Variants in HSPA9 observed in about 807,000 individuals in gnomAD.
HSPA9 encodes stress-70 protein, mitochondrial.
A neutral mutation model predicts 81.5 loss-of-function variants in HSPA9; 28 were observed. The observed-to-expected ratio is 0.34, with a 90% CI of 0.25 to 0.47. The LOEUF (loss-of-function observed/expected upper bound fraction) is 0.47. HSPA9 is among the 20% of genes least tolerant of loss of function. The pLI is 1.00. For synonymous variants in HSPA9, 293 were observed against 290.4 expected, an observed-to-expected ratio of 1.01 and a Z score of -0.09; for missense variants, 678 against 838.0, an observed-to-expected ratio of 0.81 and a Z score of 2.36.
chr5:138,571,426 C>G (rs1362552691), intron 3 of HSPA9, among the ~76,000 whole-genome samples: 2 of 151,992 alleles, frequency 1.3e-5, no homozygotes, highest in Non-Finnish European at 2.9e-5. Context: ...CTCAGGTGAT[C>G]TGCCCGCCTC....
chr5:138,565,599 A>G (rs1750745164), intron 9 of HSPA9, among the ~76,000 whole-genome samples: 3 of 152,208 alleles, frequency 2.0e-5, no homozygotes, highest in Admixed American at 1.3e-4. Context: ...GGTGGTGAAG[A>G]CAAGTTTCAC....
chr5:138,573,971 G>C, intron 2 of HSPA9, 97 bp downstream of exon 2: 1 of 1,247,210 alleles, frequency 8.0e-7, no homozygotes, highest in South Asian at 1.2e-5. Context: ...AATAAATACA[G>C]ATAAATAATT....
intron 1 of HSPA9, chr5:138,574,952 A>C: frequency 1.8e-6 from 1 of 553,110 alleles, no homozygotes; most frequent in Non-Finnish European, 3.2e-6. Context: ...CCAAGGCCAA[A>C]CCTTTCCATT....
At position 138,566,723 on chromosome 5, in the gene HSPA9, A is replaced by G. The variant is rs1750772449; in HGVS notation, c.880-5T>C. The G allele has an allele frequency of 1.2e-6, 2 of 1,608,462 alleles. No individual in the cohort carries two copies. The highest frequency in any genetic ancestry group is 1.7e-6 in the Non-Finnish European group (2 of 1,174,908). ...TTTAGTCAAATCAACCCCTGTCTAT[A>G]AAGTGAAGACATTGAACACCAAACA... On this transcript the variant is annotated splice_region_variant and splice_polypyrimidine_tract_variant and intron_variant, in intron 8 of 16. Coordinates refer to ENST00000297185, the MANE Select transcript of HSPA9 (RefSeq NM_004134.7).
At chr5:138,561,939 G>A (rs1056740816) in intron 9 of HSPA9, 150 bp from the exon 10 acceptor site, 44 of 693,214 alleles carry the variant, frequency 6.3e-5, no homozygotes, top group Non-Finnish European at 9.6e-5. Flanking sequence ...TAGTCACCAA[G>A]AATACTTTTT....
At chr5:138,570,898 G>A (rs990076136) in intron 4 of HSPA9, 62 bp downstream of exon 4, 7 of 1,383,654 alleles carry the variant, frequency 5.1e-6, no homozygotes, top group Non-Finnish European at 7.2e-6. Flanking sequence ...AACATGCTGA[G>A]GCTCTTCTGT....
In HSPA9 at chr5:138,567,177, G is replaced by A. The variant is rs1210736567; in HGVS notation, c.717-14C>T. The A allele has an allele frequency of 2.0e-5, 31 of 1,531,874 alleles. No homozygotes were observed. Among genetic ancestry groups the A allele is most frequent in the East Asian group, 1.9e-4 (8 of 41,226 alleles). The allele number at this position is 1,531,874 out of a possible 1,614,324, so 94.9% of individuals were successfully genotyped here. ...TATACAGCAATGCTGTAAATGATTT[G>A]TGAAAAAAAAAAGAAAAGAAATCCT... On this transcript the variant is annotated splice_polypyrimidine_tract_variant and intron_variant, in intron 7 of 16. Coordinates refer to ENST00000297185, the MANE Select transcript of HSPA9 (RefSeq NM_004134.7).
chr5:138,568,178 CTT>C (rs373473373), intron 5 of HSPA9, among the ~76,000 whole-genome samples: 36 of 148,084 alleles, frequency 2.4e-4, no homozygotes, highest in African/African-American at 3.5e-4. Context: ...GAGCGAGACT[CTT>C]GTCTCAAAAC....
intron 10 of HSPA9, chr5:138,561,067 A>G (rs1227694681): frequency 2.0e-6 from 1 of 500,342 alleles, no homozygotes; most frequent in Non-Finnish European, 4.0e-6. Context: ...AGTTTTCCAC[A>G]CGTTCTTTCA....
At chr5:138,568,455 C>T (rs559387492) in intron 5 of HSPA9, among the ~76,000 whole-genome samples, 2 of 152,172 alleles carry the variant, frequency 1.3e-5, no homozygotes, top group East Asian at 1.9e-4. Flanking sequence ...TTTGGTGAGC[C>T]GAGATTGTGC....
At chr5:138,561,081 T>C (rs774968973) in intron 10 of HSPA9, 2 of 498,340 alleles carry the variant, frequency 4.0e-6, no homozygotes, top group Admixed American at 2.0e-5. Context: ...TCTTTCAGAA[T>C]GATGTGTTGA....
At position 138,566,543 on chromosome 5, in the gene HSPA9, G is replaced by T. The variant is rs1750766717; in HGVS notation, c.972+83C>A. The T allele has an allele frequency of 5.0e-6, 5 of 1,005,026 alleles. No individual in the cohort carries two copies. The East Asian group carries it at 9.5e-5, about 19-fold the overall frequency. 62.3% of individuals were successfully genotyped at this position (1,005,026 alleles called of 1,614,324 possible). ...AACAAAAAAAACTCAACTGACATTA[G>T]GCCAATTAGAAAATACTATTTATTT... On this transcript the variant is annotated intron_variant, in intron 9 of 16. Coordinates refer to ENST00000297185, the MANE Select transcript of HSPA9 (RefSeq NM_004134.7).
intron 5 of HSPA9, 129 bp downstream of exon 5, chr5:138,568,796 G>A: frequency 2.2e-6 from 2 of 902,680 alleles, no homozygotes; most frequent in Non-Finnish European, 3.7e-6. Context: ...ACACAGTTTT[G>A]CCATTCCTAG....
In HSPA9 at chr5:138,575,305, C is replaced by T. The variant is rs750485956; in HGVS notation, c.14G>A (p.Ser5Asn). ...CACGAGACGGGCTGCTGCAGCTCGGCTGGCACTTATCATGGCGGATAAATG... is the reference window on the plus strand; with the variant it reads ...CACGAGACGGGCTGCTGCAGCTCGGTTGGCACTTATCATGGCGGATAAATG... The part of the protein sequence containing the change: MISA[S>N]RAAAARLVGA... The change falls in exon 1 of 17, where the codon AGC becomes AAC. Residue 5 changes from serine to asparagine, a missense_variant. By Grantham distance (46) the Ser-to-Asn change is conservative. Coordinates refer to ENST00000297185, the MANE Select transcript of HSPA9 (RefSeq NM_004134.7). 2 of 1,612,040 alleles carry T rather than the reference C, an allele frequency of 1.2e-6. No individual in the cohort carries two copies. Among genetic ancestry groups the T allele is most frequent in the Non-Finnish European group, 1.7e-6 (2 of 1,179,500 alleles).
rs1367397744 is a variant in HSPA9 at position 138,555,691 on chromosome 5, T to G, written c.*346A>C. On this transcript the variant is annotated 3_prime_UTR_variant, in exon 17 of 17. Transcript: ENST00000297185. ...GTCTCATTTCAAGTCTATGGATGAC[T>G]ACCTTCATTGCTGTGTGCGAGATGG... 10 of 350,214 alleles carry G rather than the reference T, an allele frequency of 2.9e-5. No homozygotes were observed. The Admixed American group carries it at 4.2e-4, about 15-fold the overall frequency. The allele number at this position is 350,214 out of a possible 1,614,324, so 21.7% of individuals were successfully genotyped here.
intron 9 of HSPA9, among the ~76,000 whole-genome samples, chr5:138,562,774 CAA>C (rs1750687934): frequency 1.3e-5 from 2 of 152,178 alleles, no homozygotes; most frequent in African/African-American, 4.8e-5. Context: ...AGAGAAATGT[CAA>C]AGTTATGTTC....
rs185598277 is a variant in HSPA9, at chr5:138,560,770, G to A, written c.1183-679C>T. 1.7e-3 allele frequency: 610 copies of A among 355,070 alleles called. 4 individuals carry two copies. The highest frequency in any genetic ancestry group is 0.012 in the African/African-American group (543 of 46,454). 22.0% of individuals were successfully genotyped at this position (355,070 alleles called of 1,614,324 possible). A position where few individuals can be genotyped will look rare whatever the true frequency, so the allele number is the denominator to read the frequency against. The stretch of plus-strand genomic sequence containing the variant: ...TCACCGTGTTAGCCAGGATGGTCTC[G>A]ATCTCTTGACCTCGTGATCCGCCCG... On this transcript the variant is annotated intron_variant, in intron 10 of 16. Transcript: ENST00000297185.
At chr5:138,556,299 CCAAAGTAGAGT>C (rs1320108073) in intron 16 of HSPA9, among the ~76,000 whole-genome samples, 142 bp downstream of exon 16, 1 of 152,138 alleles carries the variant, frequency 6.6e-6, no homozygotes, top group African/African-American at 2.4e-5. Context: ...AACTCCAATG[CCAAAGTAGAGT>C]CAAGACGGCA....
chr5:138,567,795 C>CA, intron 5 of HSPA9, 73 bp from the exon 6 acceptor site: 2 of 1,072,586 alleles, frequency 1.9e-6, no homozygotes, highest in South Asian at 2.6e-5. Flanking sequence ...CAACCTGTGT[C>CA]ATCCTTTTGC....
Sources: gnomAD v4.1 joint callset for allele counts (sites outside exome capture counted in the v4.1 genomes callset) on GRCh38, gnomAD v4.1.1 for gene constraint, MANE v1.5 for transcripts, NCBI Gene and HGNC (gene_info 2026-07-23, HGNC 2026-07-21) for gene names.